The following NBPF12 variants were observed in gnomAD, a reference collection of about 807,000 sequenced individuals.
The protein encoded by NBPF12 is NBPF member 12, also known as NBPF family member NBPF12.
In NBPF12, 115 loss-of-function variants were observed where a neutral mutation model predicts 146.4. The observed-to-expected ratio is 0.79, with a 90% CI of 0.68 to 0.92. The LOEUF (loss-of-function observed/expected upper bound fraction) is 0.92. Among genes scored for constraint, NBPF12 ranks in the 40% least tolerant of loss-of-function variants. The probability of loss-of-function intolerance (pLI) is 0.00; values close to 1 mark genes in which losing one functional copy is unlikely to be tolerated. For synonymous variants in NBPF12, 385 were observed against 508.9 expected (o/e 0.76, Z 3.28); for missense variants, 1,205 against 1,326.8 (o/e 0.91, Z 1.43).
exon 8 of NBPF12, chr1:146,964,925 C>T (rs1246510921): frequency 1.2e-6 from 2 of 1,607,800 alleles, no homozygotes; most frequent in Non-Finnish European, 1.7e-6. Context: ...AGCAAAGTCC[C>T]TGAGGACTCA....
At chr1:146,943,905 T>C (rs1354946667) in intron 2 of NBPF12, among the ~76,000 whole-genome samples, 3 of 144,462 alleles carry the variant, frequency 2.1e-5, no homozygotes, top group Non-Finnish European at 4.5e-5. Flanking sequence ...TCCACCCTGC[T>C]GTCCTCTTTC....
chr1:146,963,313 A>G lies in NBPF12; in HGVS notation c.493+4A>G, dbSNP rs1475613942. Reference sequence around the variant, plus strand: ...CTTGTCCAAAAGCTCAGCCCAGGTAAGGTGGCCATAGGCCCTGATGACCCA... The same window carrying G: ...CTTGTCCAAAAGCTCAGCCCAGGTAGGGTGGCCATAGGCCCTGATGACCCA... On this transcript the variant is annotated splice_donor_region_variant and intron_variant, in intron 6 of 33. Transcript: ENST00000617844. 3 of 1,611,688 alleles carry G rather than the reference A, an allele frequency of 1.9e-6. No homozygotes were observed. Among genetic ancestry groups the G allele is most frequent in the Non-Finnish European group, 2.5e-6 (3 of 1,179,838 alleles).
intron 7 of NBPF12, among the ~76,000 whole-genome samples, 161 bp from the exon 11 acceptor site, chr1:146,964,732 G>A (rs1488196265): frequency 2.6e-5 from 4 of 152,024 alleles, no homozygotes; most frequent in East Asian, 1.9e-4. Context: ...ATGCTCTGTT[G>A]CAGAGAGAAG....
At chr1:146,956,076 T>C (rs1398533160) in intron 2 of NBPF12, among the ~76,000 whole-genome samples, 2 of 151,826 alleles carry the variant, frequency 1.3e-5, no homozygotes, top group Non-Finnish European at 2.9e-5. Flanking sequence ...CCTGGCCTGC[T>C]ACGTATGGAT....
At chr1:146,966,479 C>G (rs1656219749) in exon 9 of NBPF12, 3 of 1,402,488 alleles carry the variant, frequency 2.1e-6, no homozygotes, top group Non-Finnish European at 2.0e-6. Flanking sequence ...GGCCCCACCT[C>G]TTCTGCCACA....
chr1:146,945,866 T>C (rs1490749801), upstream of NBPF12, among the ~76,000 whole-genome samples: 1 of 152,026 alleles, frequency 6.6e-6, no homozygotes, highest in East Asian at 1.9e-4. Context: ...GTTTTGGCAA[T>C]TACGTAATGT....
chr1:146,962,129 C>A (rs1294271600), intron 4 of NBPF12, 32 bp from the exon 8 acceptor site: 7 of 1,605,518 alleles, frequency 4.4e-6, no homozygotes, highest in African/African-American at 1.3e-5. Context: ...TCCAGCCTTC[C>A]ACTGAGGCAG....
At chr1:146,975,478 A>G (rs1271599952) in intron 15 of NBPF12, among the ~76,000 whole-genome samples, 199 bp from the exon 19 acceptor site, 1 of 149,840 alleles carries the variant, frequency 6.7e-6, no homozygotes. Flanking sequence ...AGGATCTTGC[A>G]GGAGCCCTCT....
intron 11 of NBPF12, among the ~76,000 whole-genome samples, chr1:146,970,175 C>T (rs1656499313): frequency 6.6e-6 from 1 of 150,596 alleles, no homozygotes; most frequent in African/African-American, 2.5e-5. Context: ...GAGCACTCCC[C>T]ATGGATAGAA....
Position 146,971,175 on chromosome 1 carries a change from C to T in NBPF12, c.1380-8C>T. 6.2e-7 allele frequency: 1 copy of T among 1,611,142 alleles called. No individual in the cohort carries two copies. Among genetic ancestry groups the T allele is most frequent in the South Asian group, 1.1e-5 (1 of 90,980 alleles). On this transcript the variant is annotated splice_polypyrimidine_tract_variant and splice_region_variant and intron_variant, in intron 12 of 33. Coordinates refer to ENST00000617844, the Ensembl canonical transcript of NBPF12. ...CTTCTGTCATCTCTGTCCCACCTGGCTCATCAGGGAGATGCAGAAGGCTGA... is the reference window on the plus strand; with the variant it reads ...CTTCTGTCATCTCTGTCCCACCTGGTTCATCAGGGAGATGCAGAAGGCTGA...
rs1379121952 is a variant in NBPF12, at chr1:146,978,236, C to T, written c.2398+565C>T. 2.7e-5 allele frequency among the ~76,000 whole-genome samples: 4 copies of T among 146,394 alleles called. No homozygotes were observed. In the East Asian group the frequency reaches 8.0e-4, roughly 29 times the overall value. On this transcript the variant is annotated intron_variant, in intron 18 of 33. Transcript: ENST00000617844. ...CACCCTGTCAATGCAATGGCTGATCCAATGTTTGTTTGTAGCGTCGTAGAT... is the reference window on the plus strand; with the variant it reads ...CACCCTGTCAATGCAATGGCTGATCTAATGTTTGTTTGTAGCGTCGTAGAT...
Position 146,965,109 on chromosome 1 carries a change from C to A in NBPF12, c.778+5C>A. ...ATGCTCTAAACATTCTCCCAGGTAGCCTCTATTTTCCTTGTGTCTCATACC... is the reference window on the plus strand; with the variant it reads ...ATGCTCTAAACATTCTCCCAGGTAGACTCTATTTTCCTTGTGTCTCATACC... On this transcript the variant is annotated splice_donor_5th_base_variant and intron_variant, in intron 8 of 33. Transcript: ENST00000617844. 6.5e-7 allele frequency: 1 copy of A among 1,538,928 alleles called. No homozygotes were observed. Among genetic ancestry groups the A allele is most frequent in the Non-Finnish European group, 9.0e-7 (1 of 1,115,068 alleles).
exon 7 of NBPF12, chr1:146,964,409 A>G (rs1553885241): frequency 4.4e-5 from 70 of 1,597,120 alleles, no homozygotes; most frequent in Admixed American, 1.8e-4. Context: ...ATGAGAAAGT[A>G]CTGGAATCAT....
intron 5 of NBPF12, 38 bp from the exon 9 acceptor site, chr1:146,963,057 C>T (rs1196318332): frequency 3.1e-6 from 5 of 1,610,452 alleles, no homozygotes; most frequent in Non-Finnish European, 3.4e-6. Flanking sequence ...TCACTCAACG[C>T]TTTTCACTGT....
At chr1:146,975,524 C>T (rs1202962243) in intron 15 of NBPF12, among the ~76,000 whole-genome samples, 153 bp from the exon 19 acceptor site, 4 of 145,676 alleles carry the variant, frequency 2.7e-5, no homozygotes, top group Admixed American at 6.8e-5. Context: ...ATTTTCTATT[C>T]TTTCTCTTGG....
chr1:146,992,434 T>TTCTCTCTCTC (rs139645973), intron 31 of NBPF12, among the ~76,000 whole-genome samples: 21 of 81,540 alleles, frequency 2.6e-4, no homozygotes, highest in African/African-American at 1.0e-3. Context: ...ACTGAGCTCG[T>TTCTCTCTCTC]TCTCTCTCTC....
At position 146,994,328 on chromosome 1, in the gene NBPF12, C is replaced by G. The variant is rs1440896976; in HGVS notation, c.4131-4C>G. The G allele has an allele frequency of 6.2e-7, 1 of 1,611,586 alleles. No individual in the cohort carries two copies. The highest frequency in any genetic ancestry group is 8.5e-7 in the Non-Finnish European group (1 of 1,179,800). ...TGCTTCTTTAGTTTTGTCTCCTTTTCCAGGCTCAACAGCGTGCTGATGGAA... is the reference window on the plus strand; with the variant it reads ...TGCTTCTTTAGTTTTGTCTCCTTTTGCAGGCTCAACAGCGTGCTGATGGAA... On this transcript the variant is annotated splice_polypyrimidine_tract_variant and splice_region_variant and intron_variant, in intron 33 of 33. Transcript: ENST00000617844.
chr1:146,966,383 G>A, intron 8 of NBPF12, 81 bp from the exon 12 acceptor site: 1 of 1,173,224 alleles, frequency 8.5e-7, no homozygotes, highest in Admixed American at 1.7e-5. Flanking sequence ...AAGGCTGCCA[G>A]TGACATCCCT....
At chr1:146,969,654 C>G (rs1363575177) in intron 11 of NBPF12, 58 bp downstream of exon 14, 2 of 1,541,208 alleles carry the variant, frequency 1.3e-6, no homozygotes, top group African/African-American at 2.8e-5. Context: ...AGGCTCCAGA[C>G]CTCCATACTT....
Sources: gnomAD v4.1 joint callset for allele counts (sites outside exome capture counted in the v4.1 genomes callset) on GRCh38, gnomAD v4.1.1 for gene constraint, MANE v1.5 for transcripts, NCBI Gene and HGNC (gene_info 2026-07-23, HGNC 2026-07-21) for gene names.